The following CAV3 variants were observed in gnomAD, a reference collection of about 807,000 sequenced individuals.
The protein encoded by CAV3 is caveolin-3.
Under a neutral mutation model 13.4 loss-of-function variants are expected in CAV3, and 10 were observed. The ratio of observed to expected loss-of-function variants is 0.75; its 90% confidence interval spans 0.46 to 1.27. The LOEUF (loss-of-function observed/expected upper bound fraction) is 1.27. Among genes scored for constraint, CAV3 ranks in the 50% most tolerant of loss-of-function variants. The pLI is 0.00. For synonymous variants in CAV3, 90 were observed against 79.0 expected, an observed-to-expected ratio of 1.14 and a Z score of -0.74; for missense variants, 162 against 194.0, an observed-to-expected ratio of 0.83 and a Z score of 0.98.
intron 1 of CAV3, among the ~76,000 whole-genome samples, chr3:8,738,094 T>C (rs920938329): frequency 5.9e-5 from 9 of 151,840 alleles, no homozygotes; most frequent in Admixed American, 5.2e-4. Flanking sequence ...CTTTCTTGAC[T>C]CACACATAGG....
chr3:8,745,656 T>G lies in CAV3; in HGVS notation c.245T>G (p.Val82Gly), dbSNP rs1377728849. The G allele has an allele frequency of 6.2e-7, 1 of 1,614,136 alleles. No homozygotes were observed. The change falls in exon 2 of 2, where the codon GTC (valine) becomes GGC (glycine). Residue 82 changes from valine to glycine, a missense_variant. Transcript: ENST00000343849. The surrounding 1 kb of genome is among the most constrained non-coding windows in gnomAD (Gnocchi z 4.8). ...CGTCTGTTGTCCACGCTGCTGGGCGTCCCACTGGCCCTGCTCTGGGGCTTC... is the reference window on the plus strand; with the variant it reads ...CGTCTGTTGTCCACGCTGCTGGGCGGCCCACTGGCCCTGCTCTGGGGCTTC... ...CYRLLSTLLGVPLALLWGFLF... is the reference protein window; with the variant it reads ...CYRLLSTLLGGPLALLWGFLF...
At chr3:8,741,764 C>CG (rs1159780698) in intron 1 of CAV3, among the ~76,000 whole-genome samples, 1 of 152,130 alleles carries the variant, frequency 6.6e-6, no homozygotes, top group Non-Finnish European at 1.5e-5. Context: ...TTTTCGACCC[C>CG]GGGTGACTGT....
intron 1 of CAV3, among the ~76,000 whole-genome samples, chr3:8,741,577 CAG>C (rs1575472353): frequency 1.3e-5 from 2 of 152,124 alleles, no homozygotes; most frequent in African/African-American, 4.8e-5. Context: ...CCTAGGATCT[CAG>C]AGAGGGAAAG....
Position 8,745,954 on chromosome 3 carries a change from A to C in CAV3, c.*87A>C, listed in dbSNP as rs1053698731. 1.8e-6 allele frequency: 2 copies of C among 1,108,684 alleles called. No homozygotes were observed. Among genetic ancestry groups the C allele is most frequent in the Admixed American group, 1.9e-5 (1 of 51,912 alleles). The allele number at this position is 1,108,684 out of a possible 1,614,324, so 68.7% of individuals were successfully genotyped here. On this transcript the variant is annotated 3_prime_UTR_variant, in exon 2 of 2. Coordinates refer to ENST00000343849, the MANE Select transcript of CAV3 (RefSeq NM_033337.3). The surrounding 1 kb of genome is among the most constrained non-coding windows in gnomAD (Gnocchi z 4.8). ...GACTTCTTCACAGGGGCTGCTGGCGAGCTCTTTCTCTTTAGGGACTGCTCC... is the reference window on the plus strand; with the variant it reads ...GACTTCTTCACAGGGGCTGCTGGCGCGCTCTTTCTCTTTAGGGACTGCTCC...
chr3:8,736,633 C>A (rs1294706214), intron 1 of CAV3, among the ~76,000 whole-genome samples: 1 of 152,222 alleles, frequency 6.6e-6, no homozygotes, highest in Non-Finnish European at 1.5e-5. Context: ...CAGCTCCAAG[C>A]CGCAGGCCTG....
chr3:8,736,979 T>C (rs1707778998), intron 1 of CAV3, among the ~76,000 whole-genome samples: 1 of 152,278 alleles, frequency 6.6e-6, no homozygotes, highest in African/African-American at 2.4e-5. Flanking sequence ...TGTTACAGTC[T>C]GTTAAAGAAT....
intron 1 of CAV3, among the ~76,000 whole-genome samples, chr3:8,739,935 G>A (rs190981668): frequency 1.3e-5 from 2 of 152,206 alleles, no homozygotes; most frequent in East Asian, 1.9e-4. Context: ...GGGCTCCACC[G>A]AGCTAGAACA....
intron 1 of CAV3, among the ~76,000 whole-genome samples, chr3:8,739,872 G>A (rs1707897105): frequency 6.6e-6 from 1 of 152,110 alleles, no homozygotes; most frequent in Non-Finnish European, 1.5e-5. Context: ...GGTCCCACTG[G>A]GGGCCTCTCA....
chr3:8,745,226 C>A lies in CAV3; in HGVS notation c.115-300C>A, dbSNP rs2124987861. Among the ~76,000 whole-genome samples the A allele has an allele frequency of 6.6e-6, 1 of 152,284 alleles. No individual in the cohort carries two copies. The highest frequency in any genetic ancestry group is 2.1e-4 in the South Asian group (1 of 4,822). ...ACTCTCACCAGGGGAGACGCCTGCTCTCCCTTCTCTAGCCATGGTTGAAAG... is the reference window on the plus strand; with the variant it reads ...ACTCTCACCAGGGGAGACGCCTGCTATCCCTTCTCTAGCCATGGTTGAAAG... On this transcript the variant is annotated intron_variant, in intron 1 of 1. Transcript: ENST00000343849. The surrounding 1 kb of genome is among the most constrained non-coding windows in gnomAD (Gnocchi z 4.8).
At chr3:8,738,106 C>A (rs775374221) in intron 1 of CAV3, among the ~76,000 whole-genome samples, 1 of 151,982 alleles carries the variant, frequency 6.6e-6, no homozygotes, top group Non-Finnish European at 1.5e-5. Flanking sequence ...ACACATAGGC[C>A]CCCAGGGCCC....
At chr3:8,734,279 G>A (rs1325314394) in intron 1 of CAV3, among the ~76,000 whole-genome samples, 1 of 152,152 alleles carries the variant, frequency 6.6e-6, no homozygotes, top group Non-Finnish European at 1.5e-5. Flanking sequence ...CCTTACTACT[G>A]TGACGCTCCT....
At chr3:8,742,378 G>T in intron 1 of CAV3, 1 of 287,232 alleles carries the variant, frequency 3.5e-6, no homozygotes, top group Non-Finnish European at 6.8e-6. Context: ...AAAAAAAGAA[G>T]AAGAAGAAGA....
chr3:8,733,908 C>T lies in CAV3; in HGVS notation c.32C>T (p.Ala11Val), dbSNP rs867194464. Residue 11 changes from alanine to valine, a missense_variant, in exon 1 of 2, where the codon GCC becomes GTC. Physicochemically the swap from Ala to Val is moderately conservative, Grantham distance 64. Coordinates refer to ENST00000343849, the MANE Select transcript of CAV3 (RefSeq NM_033337.3). ...GCAGAAGAGCACACAGATCTCGAGG[C>T]CCAGATCGTCAAGGATATCCACTGC... MMAEEHTDLE[A>V]QIVKDIHCKE... 1 of 1,612,592 alleles carries T rather than the reference C, an allele frequency of 6.2e-7. No individual in the cohort carries two copies. Among genetic ancestry groups the T allele is most frequent in the South Asian group, 1.1e-5 (1 of 91,010 alleles).
rs730880422 is a variant in CAV3 at position 8,745,853 on chromosome 3, C to T, written c.442C>T (p.Arg148Trp). The T allele has an allele frequency of 1.6e-5, 26 of 1,611,818 alleles. No individual in the cohort carries two copies. The highest frequency in any genetic ancestry group is 4.5e-5 in the East Asian group (2 of 44,846). The stretch of plus-strand genomic sequence containing the variant: ...CTGCAGCAGCATCAAGGTGGTGCTG[C>T]GGAAGGAGGTCTAAAGCCAGGTGGG... ...QVCSSIKVVL[R>W]KEV Residue 148 changes from arginine to tryptophan, a missense_variant, in exon 2 of 2, where the codon CGG becomes TGG. By Grantham distance (101) the Arg-to-Trp change is moderately radical. Transcript: ENST00000343849. This position sits in a 1 kb window ranked among gnomAD's most constrained non-coding sequence, Gnocchi z 4.8.
At chr3:8,736,876 T>C (rs923512130) in intron 1 of CAV3, among the ~76,000 whole-genome samples, 11 of 152,172 alleles carry the variant, frequency 7.2e-5, no homozygotes, top group African/African-American at 1.7e-4. Context: ...TTATTTTTAG[T>C]GAGTGAGAAA....
chr3:8,736,561 G>A (rs746237758), intron 1 of CAV3, among the ~76,000 whole-genome samples: 1 of 152,188 alleles, frequency 6.6e-6, no homozygotes, highest in Admixed American at 6.5e-5. Flanking sequence ...TTTCTAAAGG[G>A]CACCCACAAT....
chr3:8,744,275 AT>A (rs35889837), intron 1 of CAV3, among the ~76,000 whole-genome samples: 6,286 of 120,744 alleles, frequency 0.052, 93 homozygotes, highest in Non-Finnish European at 0.064. Flanking sequence ...GACCAGTGGA[AT>A]TTTTTTTTTT....
At chr3:8,735,321 T>C in intron 1 of CAV3, among the ~76,000 whole-genome samples, 1 of 152,222 alleles carries the variant, frequency 6.6e-6, no homozygotes, top group East Asian at 1.9e-4. Context: ...CAATTATCAA[T>C]GAGCTATTGT....
chr3:8,745,473 T>C lies in CAV3; in HGVS notation c.115-53T>C, dbSNP rs1274923056. The C allele has an allele frequency of 2.8e-6, 4 of 1,437,426 alleles. No homozygotes were observed. Among genetic ancestry groups the C allele is most frequent in the African/African-American group, 1.4e-5 (1 of 70,794 alleles). 89.0% of individuals were successfully genotyped at this position (1,437,426 alleles called of 1,614,324 possible). ...CACATGCACGCACACACCCAAAAGC[T>C]TGAGAAGCGGGTGGCTTCTGTGAGT... On this transcript the variant is annotated intron_variant, in intron 1 of 1. Coordinates refer to ENST00000343849, the MANE Select transcript of CAV3 (RefSeq NM_033337.3). The surrounding 1 kb of genome is among the most constrained non-coding windows in gnomAD (Gnocchi z 4.8).
Sources: gnomAD v4.1 joint callset for allele counts (sites outside exome capture counted in the v4.1 genomes callset) on GRCh38, gnomAD v4.1.1 for gene constraint, Gnocchi (gnomAD v3.1) non-coding constraint, MANE v1.5 for transcripts, NCBI Gene and HGNC (gene_info 2026-07-23, HGNC 2026-07-21) for gene names.